HIP1R: variants seen among roughly 807,000 people sequenced by gnomAD.
The protein encoded by HIP1R is huntingtin interacting protein 1 related.
Under a neutral mutation model 144.2 loss-of-function variants are expected in HIP1R, and 135 were observed. The ratio of observed to expected loss-of-function variants is 0.94; its 90% CI spans 0.81 to 1.08. The LOEUF (loss-of-function observed/expected upper bound fraction) is 1.08, where lower values mean the gene tolerates loss of function less well. Among genes scored for constraint, HIP1R ranks in the 50% least tolerant of loss-of-function variants. HIP1R has a pLI of 0.00. For synonymous variants in HIP1R, 698 were observed against 612.8 expected (o/e 1.14, Z -2.05); for missense variants, 1,462 against 1,432.8 (o/e 1.02, Z -0.33).
rs778692991 is a variant in HIP1R at position 122,861,003 on chromosome 12, TCCA to T, written c.2858_2860del (p.Thr953del). Reference sequence around the variant, plus strand: ...TGAGAGGGCTGCCAATGTGGTGGCCTCCACCAAGTCAGGCCAGGAGCAGATTGA... The same window carrying T: ...TGAGAGGGCTGCCAATGTGGTGGCCTCCAAGTCAGGCCAGGAGCAGATTGA... On this transcript the variant is annotated inframe_deletion, in exon 29 of 32. Transcript: ENST00000253083. 3 of 1,613,598 alleles carry T rather than the reference TCCA, an allele frequency of 1.9e-6. No homozygotes were observed. The highest frequency in any genetic ancestry group is 2.2e-5 in the South Asian group (2 of 91,076).
intron 23 of HIP1R, 81 bp downstream of exon 23, chr12:122,859,617 G>A: frequency 7.4e-7 from 1 of 1,359,090 alleles, no homozygotes; most frequent in Non-Finnish European, 1.0e-6. Flanking sequence ...GGTACAGGCT[G>A]CACCCACTCC....
intron 8 of HIP1R, 126 bp from the exon 9 acceptor site, chr12:122,854,779 C>T (rs1593879997): frequency 7.5e-6 from 7 of 933,366 alleles, no homozygotes; most frequent in African/African-American, 5.0e-5. Flanking sequence ...GATGGGAGAG[C>T]GGGCCTGGCC....
Position 122,854,103 on chromosome 12 carries a change from TG to T in HIP1R, c.640del (p.Ala214ProfsTer91). 6.2e-6 allele frequency: 10 copies of T among 1,613,906 alleles called. No individual in the cohort carries two copies. Among genetic ancestry groups the T allele is most frequent in the Non-Finnish European group, 8.5e-6 (10 of 1,179,938 alleles). On this transcript the variant is annotated frameshift_variant, in exon 8 of 32. Transcript: ENST00000253083. LOFTEE classifies it high-confidence loss of function. The stretch of plus-strand genomic sequence containing the variant: ...CAGATGTCCTCAGGCCAGTGCCGCC[TG>T]GCCCCCCTCATCCAGGTCATCCAGG... ...VSQMSSGQCR[L>X]APLIQVIQDC...
Position 122,861,447 on chromosome 12 carries a change from G to A in HIP1R, c.3092G>A (p.Arg1031Gln), listed in dbSNP as rs147793406. ...EVAIRPSTAPRSVTTKKPPLA... is the reference protein window; with the variant it reads ...EVAIRPSTAPQSVTTKKPPLA... Reference sequence around the variant, plus strand: ...GCCATCCGGCCCAGCACTGCCCCCCGAAGTGTAACCACCAAGAAACCACCC... The same window carrying A: ...GCCATCCGGCCCAGCACTGCCCCCCAAAGTGTAACCACCAAGAAACCACCC... The change falls in exon 31 of 32, where the codon CGA becomes CAA. Residue 1031 changes from arginine (R) to glutamine (Q), a missense_variant. Around this residue, in one of 2 missense-constraint regions of HIP1R, gnomAD observed 1,112 missense variants for 1,011.7 expected, o/e 1.10. Transcript: ENST00000253083. 71 of 1,613,486 alleles carry A rather than the reference G, an allele frequency of 4.4e-5. No homozygotes were observed. Among genetic ancestry groups the A allele is most frequent in the Middle Eastern group, 1.7e-4 (1 of 6,058 alleles).
chr12:122,835,442 G>T (rs2032851956), upstream of HIP1R: 3 of 1,147,428 alleles, frequency 2.6e-6, no homozygotes, highest in Middle Eastern at 3.7e-4. Flanking sequence ...CCCGGCGGGC[G>T]GGCCCGGGCG....
rs148700813 is a variant in HIP1R at position 122,843,733 on chromosome 12, C to A, written c.94-4298C>A. On this transcript the variant is annotated intron_variant, in intron 1 of 31. Coordinates refer to ENST00000253083, the MANE Select transcript of HIP1R (RefSeq NM_003959.3). ...GGATTTTTCGAGACCCGAAAAGCTG[C>A]AGGGTCTGTGGAACCAGGCAGGAGC... Among the ~76,000 whole-genome samples the A allele has an allele frequency of 6.7e-3, 1,023 of 152,318 alleles. 6 individuals are homozygous for A. The highest frequency in any genetic ancestry group is 0.016 in the South Asian group (79 of 4,824).
At position 122,855,342 on chromosome 12, in the gene HIP1R, G is replaced by A. The variant is rs202129877; in HGVS notation, c.930G>A (p.Pro310=). The change falls in exon 11 of 32, where the codon CCG becomes CCA. Residue 310 remains proline (P), a synonymous_variant. Transcript: ENST00000253083. ...TGGTGGTGATCCCCGAGGAGGCCCC[G>A]GAAGATGAGGAGCCGGAGAATCTCA... is the stretch of plus-strand genomic sequence containing the variant. ...KPVVVIPEEA[P]EDEEPENLIE... is the part of the protein sequence containing the mutation. 445 of 1,608,632 alleles carry A rather than the reference G, an allele frequency of 2.8e-4. No homozygotes were observed. The highest frequency in any genetic ancestry group is 6.9e-4 in the East Asian group (31 of 44,654).
rs756179676 is a variant in HIP1R at position 122,861,790 on chromosome 12, C to T, written c.*37C>T. On this transcript the variant is annotated 3_prime_UTR_variant, in exon 32 of 32. Transcript: ENST00000253083. ...GTCCAGCAGGGTGGCTGGTGACAGG[C>T]CTGGGCCTCTGCAACTGCCCTGACA... is the stretch of plus-strand genomic sequence containing the variant. 1 of 1,603,926 alleles carries T rather than the reference C, an allele frequency of 6.2e-7. No homozygotes were observed. Among genetic ancestry groups the T allele is most frequent in the South Asian group, 1.1e-5 (1 of 90,762 alleles).
intron 19 of HIP1R, 45 bp from the exon 20 acceptor site, chr12:122,858,304 C>A: frequency 6.3e-7 from 1 of 1,590,618 alleles, no homozygotes; most frequent in Non-Finnish European, 8.6e-7. Context: ...ATCCCCAGCC[C>A]TGAGCAGCGG....
chr12:122,858,463 C>CG (rs771843971), intron 20 of HIP1R, 28 bp downstream of exon 20: 39 of 1,545,850 alleles, frequency 2.5e-5, no homozygotes, highest in Non-Finnish European at 3.3e-5. Flanking sequence ...AGGGCGGAGG[C>CG]GGGGGCTGTG....
chr12:122,858,408 C>T lies in HIP1R; in HGVS notation c.2023C>T (p.His675Tyr), dbSNP rs934572633. ...LDAVSTLEEG[H>Y]AQYLTSLADA... ...TGCCGTGAGCACCCTGGAGGAGGGCCACGCCCAGTACCTGACCTCCTTGGC... is the reference window on the plus strand; with the variant it reads ...TGCCGTGAGCACCCTGGAGGAGGGCTACGCCCAGTACCTGACCTCCTTGGC... The change falls in exon 20 of 32, where the codon CAC (histidine) becomes TAC (tyrosine). Residue 675 changes from histidine to tyrosine, a missense_variant. By Grantham distance (83) the His-to-Tyr change is moderately conservative. Transcript: ENST00000253083. The T allele has an allele frequency of 1.9e-6, 3 of 1,610,252 alleles. No homozygotes were observed. The Admixed American group carries it at 5.0e-5, about 27-fold the overall frequency.
upstream of HIP1R, among the ~76,000 whole-genome samples, chr12:122,835,210 GC>G (rs1231343943): frequency 8.8e-6 from 1 of 113,780 alleles, no homozygotes; most frequent in East Asian, 2.9e-4. Context: ...TGTGCGGGGG[GC>G]GGGGCGTGTG....
intron 2 of HIP1R, 90 bp downstream of exon 2, chr12:122,848,184 G>T: frequency 7.2e-7 from 1 of 1,388,158 alleles, no homozygotes; most frequent in East Asian, 2.3e-5. Context: ...GCTGTGCCGG[G>T]GTCACAAGTT....
chr12:122,856,517 T>A lies in HIP1R; in HGVS notation c.1487T>A (p.Val496Glu). 1 of 1,597,854 alleles carries A rather than the reference T, an allele frequency of 6.3e-7. No homozygotes were observed. The highest frequency in any genetic ancestry group is 8.5e-7 in the Non-Finnish European group (1 of 1,171,902). Residue 496 changes from valine to glutamate, a missense_variant, in exon 16 of 32, where the codon GTG becomes GAG. Val to Glu is a moderately radical substitution (Grantham distance 121). This residue lies in a region of HIP1R where 1,112 missense variants were observed against 1,011.7 expected (regional missense o/e 1.10). Coordinates refer to ENST00000253083, the MANE Select transcript of HIP1R (RefSeq NM_003959.3). ...GTGAAGGAGCAGCTGGCCTTCCAGG[T>A]GGAGCAGGTGAAGCGGGAGTCGGAG... Reference protein sequence around the residue: ...ARVKEQLAFQVEQVKRESELK... With the variant: ...ARVKEQLAFQEEQVKRESELK...
intron 17 of HIP1R, 121 bp downstream of exon 17, chr12:122,856,847 C>G: frequency 1.9e-6 from 2 of 1,070,190 alleles, no homozygotes. Flanking sequence ...GGATGCAGCC[C>G]TGACCCAGAC....
At chr12:122,847,196 C>T (rs1285800605) in intron 1 of HIP1R, among the ~76,000 whole-genome samples, 1 of 152,180 alleles carries the variant, frequency 6.6e-6, no homozygotes, top group African/African-American at 2.4e-5. Flanking sequence ...ATACCCCATG[C>T]CCCACGGAGC....
At position 122,860,961 on chromosome 12, in the gene HIP1R, T is replaced by C. The variant is rs1194939639; in HGVS notation, c.2812T>C (p.Cys938Arg). ...HSPHLSRLQE[C>R]SRTVNERAAN... ...CCCCCACCTGAGCCGCCTGCAGGAATGTTCTCGCACAGTCAATGAGAGGGC... is the reference window on the plus strand; with the variant it reads ...CCCCCACCTGAGCCGCCTGCAGGAACGTTCTCGCACAGTCAATGAGAGGGC... The change falls in exon 29 of 32, where the codon TGT (cysteine) becomes CGT (arginine). Residue 938 changes from cysteine (C) to arginine (R), a missense_variant. Transcript: ENST00000253083. 6.2e-7 allele frequency: 1 copy of C among 1,613,278 alleles called. No homozygotes were observed. Among genetic ancestry groups the C allele is most frequent in the African/African-American group, 1.3e-5 (1 of 74,874 alleles).
chr12:122,849,342 A>G (rs2033305376), intron 4 of HIP1R, among the ~76,000 whole-genome samples: 1 of 152,248 alleles, frequency 6.6e-6, no homozygotes, highest in African/African-American at 2.4e-5. Context: ...TCTCTGGAGC[A>G]CTGTGGGGTG....
At chr12:122,850,292 C>T in intron 5 of HIP1R, 1 of 500,224 alleles carries the variant, frequency 2.0e-6, no homozygotes, top group Non-Finnish European at 3.9e-6. Flanking sequence ...TGGGCCACAG[C>T]CTGGGTCTGC....
Sources: gnomAD v4.1 joint callset for allele counts (sites outside exome capture counted in the v4.1 genomes callset) on GRCh38, gnomAD v4.1.1 for gene constraint, gnomAD v4.1.1 regional missense constraint, MANE v1.5 for transcripts, NCBI Gene and HGNC (gene_info 2026-07-23, HGNC 2026-07-21) for gene names.